TUBGCP4: variants seen among roughly 807,000 people sequenced by gnomAD.
The protein encoded by TUBGCP4 is gamma-tubulin complex component 4.
In TUBGCP4, 54 loss-of-function variants were observed where a neutral mutation model predicts 91.6. That is an observed-to-expected ratio of 0.59 (90% confidence interval 0.47 to 0.74). The LOEUF is 0.74. Among genes scored for constraint, TUBGCP4 ranks in the 30% least tolerant of loss-of-function variants. The probability of loss-of-function intolerance (pLI) is 0.00; values close to 1 mark genes in which losing one functional copy is unlikely to be tolerated. For synonymous variants in TUBGCP4, 297 were observed against 302.8 expected, an observed-to-expected ratio of 0.98 and a Z score of 0.20; for missense variants, 593 against 800.9, an observed-to-expected ratio of 0.74 and a Z score of 3.13.
chr15:43,380,050 G>A lies in TUBGCP4; in HGVS notation c.442-34G>A, dbSNP rs779618709. ...TGTGTCTTGCATGGACTCTTAGAAT[G>A]GAATCCAGTTTGACAAGGCCGTATT... On this transcript the variant is annotated intron_variant, in intron 5 of 17. Transcript: ENST00000564079. 5.0e-6 allele frequency: 8 copies of A among 1,600,892 alleles called. No individual in the cohort carries two copies. In the East Asian group the frequency reaches 1.1e-4, roughly 22 times the overall value.
intron 11 of TUBGCP4, 74 bp from the exon 12 acceptor site, chr15:43,397,140 A>G: frequency 2.0e-6 from 2 of 998,660 alleles, no homozygotes; most frequent in Non-Finnish European, 1.6e-6. Flanking sequence ...TTGGGGGAGA[A>G]GTGGAAAGCT....
rs1192397167 is a variant in TUBGCP4 at position 43,383,293 on chromosome 15, C to G, written c.522-10C>G. 6.2e-7 allele frequency: 1 copy of G among 1,609,456 alleles called. No individual in the cohort carries two copies. Among genetic ancestry groups the G allele is most frequent in the African/African-American group, 1.3e-5 (1 of 74,786 alleles). Reference sequence around the variant, plus strand: ...TGACTTCTGAGCCTCTTACTTTCTACTCTGCCCAGAATCCTGGCCGTTTGT... The same window carrying G: ...TGACTTCTGAGCCTCTTACTTTCTAGTCTGCCCAGAATCCTGGCCGTTTGT... On this transcript the variant is annotated splice_polypyrimidine_tract_variant and intron_variant, in intron 6 of 17. Transcript: ENST00000564079.
In TUBGCP4 at chr15:43,404,513, A is replaced by G. The variant is rs776580058; in HGVS notation, c.1949A>G (p.Tyr650Cys). Residue 650 changes from tyrosine (Y) to cysteine (C), a missense_variant, in exon 17 of 18, where the codon TAT becomes TGT. Coordinates refer to ENST00000564079, the MANE Select transcript of TUBGCP4 (RefSeq NM_014444.5). ...GCTCAACTACTGTTACGACTAGATT[A>G]TAACAAATACTATACCCAGGCTGGT... Reference protein sequence around the residue: ...DLAQLLLRLDYNKYYTQAGGT... With the variant: ...DLAQLLLRLDCNKYYTQAGGT... 1 of 1,614,178 alleles carries G rather than the reference A, an allele frequency of 6.2e-7. No homozygotes were observed. The highest frequency in any genetic ancestry group is 1.7e-5 in the Admixed American group (1 of 60,018).
Position 43,409,596 on chromosome 15 carries a change from G to T in TUBGCP4, c.*4382G>T. The T allele has an allele frequency of 9.7e-7, 1 of 1,026,108 alleles. No homozygotes were observed. Among genetic ancestry groups the T allele is most frequent in the Non-Finnish European group, 1.4e-6 (1 of 707,860 alleles). The allele number at this position is 1,026,108 out of a possible 1,614,324, so 63.6% of individuals were successfully genotyped here. ...CCCAGGCCTCTTCTCAACACAGCAA[G>T]TTGGCTCTTATCATTGCCACTATAT... is the stretch of plus-strand genomic sequence containing the variant. On this transcript the variant is annotated 3_prime_UTR_variant, in exon 18 of 18. Coordinates refer to ENST00000564079, the MANE Select transcript of TUBGCP4 (RefSeq NM_014444.5).
chr15:43,371,667 G>A (rs917324718), intron 1 of TUBGCP4, among the ~76,000 whole-genome samples: 1 of 152,172 alleles, frequency 6.6e-6, no homozygotes, highest in African/African-American at 2.4e-5. Context: ...CCTGTGGCGG[G>A]GCGAGGAAAG....
At position 43,377,639 on chromosome 15, in the gene TUBGCP4, A is replaced by C. The variant is rs2142772691; in HGVS notation, c.385-208A>C. 7 of 510,600 alleles carry C rather than the reference A, an allele frequency of 1.4e-5. No individual in the cohort carries two copies. In the South Asian group the frequency reaches 2.0e-4, roughly 15 times the overall value. 31.6% of individuals were successfully genotyped at this position (510,600 alleles called of 1,614,324 possible). A position where few individuals can be genotyped will look rare whatever the true frequency, so the allele number is the denominator to read the frequency against. ...AAAAAAAAAAAAAAAGAAAAAAGAA[A>C]AAAAAGAAACTGCCTCTCTCTGCCA... On this transcript the variant is annotated intron_variant, in intron 4 of 17. Coordinates refer to ENST00000564079, the MANE Select transcript of TUBGCP4 (RefSeq NM_014444.5).
intron 13 of TUBGCP4, among the ~76,000 whole-genome samples, chr15:43,398,960 C>T (rs542454835): frequency 1.9e-4 from 29 of 152,360 alleles, no homozygotes; most frequent in African/African-American, 6.3e-4. Flanking sequence ...ATTATCACAT[C>T]CAGTAAAATT....
intron 7 of TUBGCP4, among the ~76,000 whole-genome samples, chr15:43,384,004 G>A (rs1319109493): frequency 6.6e-6 from 1 of 152,106 alleles, no homozygotes; most frequent in African/African-American, 2.4e-5. Flanking sequence ...AGTAGAGACA[G>A]GGTTTTGTCA....
In TUBGCP4 at chr15:43,407,818, T is replaced by C. The variant is rs984521156; in HGVS notation, c.*2604T>C. The C allele has an allele frequency of 1.4e-5, 15 of 1,056,634 alleles. No individual in the cohort carries two copies. The highest frequency in any genetic ancestry group is 2.1e-5 in the Non-Finnish European group (15 of 731,070). 65.5% of individuals were successfully genotyped at this position (1,056,634 alleles called of 1,614,324 possible). On this transcript the variant is annotated 3_prime_UTR_variant, in exon 18 of 18. Coordinates refer to ENST00000564079, the MANE Select transcript of TUBGCP4 (RefSeq NM_014444.5). Reference sequence around the variant, plus strand: ...TGACTCACCTCTTGAAGGTGGTACTTTTCTTCTCTAAGAAACATGGATACG... The same window carrying C: ...TGACTCACCTCTTGAAGGTGGTACTCTTCTTCTCTAAGAAACATGGATACG...
intron 9 of TUBGCP4, among the ~76,000 whole-genome samples, chr15:43,392,413 A>T (rs2601019): frequency 0.037 from 5,685 of 152,206 alleles, 345 homozygotes; most frequent in African/African-American, 0.13. Context: ...GTTGGAGAAC[A>T]TAGTCTGAAT....
Position 43,371,107 on chromosome 15 carries a change from C to G in TUBGCP4, c.-248C>G. 1 of 581,262 alleles carries G rather than the reference C, an allele frequency of 1.7e-6. No individual in the cohort carries two copies. Among genetic ancestry groups the G allele is most frequent in the Non-Finnish European group, 3.1e-6 (1 of 323,256 alleles). The allele number at this position is 581,262 out of a possible 1,614,324, so 36.0% of individuals were successfully genotyped here. A position where few individuals can be genotyped will look rare whatever the true frequency, so the allele number is the denominator to read the frequency against. On this transcript the variant is annotated 5_prime_UTR_variant, in exon 1 of 18. Transcript: ENST00000564079. Reference sequence around the variant, plus strand: ...AGGGCAGCGACCGCGACTCAGTCTCCGCAGAGCCCGGGCGGGAGTAGCTGG... The same window carrying G: ...AGGGCAGCGACCGCGACTCAGTCTCGGCAGAGCCCGGGCGGGAGTAGCTGG...
At position 43,406,679 on chromosome 15, in the gene TUBGCP4, T is replaced by G; in HGVS notation, c.*1465T>G. ...GTGATGCCAGAGGAAGGGAAGGAAC[T>G]GCTTCCAGCTATTGTGACAATAATA... On this transcript the variant is annotated 3_prime_UTR_variant, in exon 18 of 18. Transcript: ENST00000564079. The G allele has an allele frequency of 2.2e-6, 1 of 447,486 alleles. No individual in the cohort carries two copies. Among genetic ancestry groups the G allele is most frequent in the South Asian group, 1.6e-5 (1 of 62,584 alleles). The allele number at this position is 447,486 out of a possible 1,614,324, so 27.7% of individuals were successfully genotyped here.
At chr15:43,377,734 G>T in intron 4 of TUBGCP4, 113 bp from the exon 5 acceptor site, 1 of 832,828 alleles carries the variant, frequency 1.2e-6, no homozygotes, top group Non-Finnish European at 1.9e-6. Context: ...CTGTTCTGTG[G>T]TATTGCCATT....
chr15:43,395,345 C>CT, intron 10 of TUBGCP4, 188 bp downstream of exon 10: 2 of 698,304 alleles, frequency 2.9e-6, no homozygotes, highest in South Asian at 1.8e-5. Flanking sequence ...TGGGAGTGTA[C>CT]TTTTTTCTGG....
chr15:43,376,892 C>A (rs1247434321), intron 3 of TUBGCP4, 122 bp from the exon 4 acceptor site: 2 of 943,496 alleles, frequency 2.1e-6, no homozygotes, highest in African/African-American at 1.7e-5. Context: ...ATTAAATTAT[C>A]AGTTCTCGAT....
In TUBGCP4 at chr15:43,383,743, T is replaced by C. The variant is rs550269738; in HGVS notation, c.723+239T>C. On this transcript the variant is annotated intron_variant, in intron 7 of 17. Transcript: ENST00000564079. ...GCATTTGAGAGATTATAAGTCTTAC[T>C]TATGTAGCTACTCTAATGGAGCAGC... 3.3e-5 allele frequency among the ~76,000 whole-genome samples: 5 copies of C among 152,342 alleles called. No individual in the cohort carries two copies. In the South Asian group the frequency reaches 1.0e-3, roughly 32 times the overall value.
In TUBGCP4 at chr15:43,376,275, G is replaced by A. The variant is rs562413724; in HGVS notation, c.207+49G>A. The A allele has an allele frequency of 4.3e-6, 7 of 1,610,030 alleles. No homozygotes were observed. In the African/African-American group the frequency reaches 8.0e-5, roughly 18 times the overall value. On this transcript the variant is annotated intron_variant, in intron 2 of 17. Coordinates refer to ENST00000564079, the MANE Select transcript of TUBGCP4 (RefSeq NM_014444.5). ...TACACCTCTAGAGGGCAGGAGCTAT[G>A]TCAAGCTTTCACCTCTAGAGGGCAG...
intron 13 of TUBGCP4, among the ~76,000 whole-genome samples, chr15:43,399,392 G>C (rs1307287910): frequency 6.6e-6 from 1 of 152,066 alleles, no homozygotes; most frequent in Non-Finnish European, 1.5e-5. Context: ...TTTTGAGACA[G>C]GGTCTTGCTC....
In TUBGCP4 at chr15:43,409,262, A is replaced by G; in HGVS notation, c.*4048A>G. On this transcript the variant is annotated 3_prime_UTR_variant, in exon 18 of 18. Transcript: ENST00000564079. ...GCCACTCTTCTCACTGGAAGGCCCA[A>G]GTAATTTCCATAGATGTTCTCTCTG... The G allele has an allele frequency of 1.6e-6, 1 of 640,986 alleles. No homozygotes were observed. The highest frequency in any genetic ancestry group is 2.7e-6 in the Non-Finnish European group (1 of 368,152). 39.7% of individuals were successfully genotyped at this position (640,986 alleles called of 1,614,324 possible).
Sources: allele counts gnomAD v4.1 joint callset (sites outside exome capture counted in the v4.1 genomes callset), GRCh38; gene constraint gnomAD v4.1.1; transcripts MANE v1.5; gene names NCBI Gene and HGNC (gene_info 2026-07-23, HGNC 2026-07-21).